AHI1: variants seen among roughly 807,000 people sequenced by gnomAD.
AHI1 encodes Abelson helper integration site 1, also known as jouberin.
Under a neutral mutation model 149.3 loss-of-function variants are expected in AHI1, and 123 were observed. The observed-to-expected ratio is 0.82, with a 90% CI of 0.71 to 0.96. The LOEUF (loss-of-function observed/expected upper bound fraction) is 0.96. AHI1 is among the 40% of genes least tolerant of loss of function. The pLI, the probability that AHI1 is intolerant of heterozygous loss-of-function variation, is 0.00. For missense variants in AHI1, 1,439 were observed against 1,422.7 expected (o/e 1.01, Z -0.18); for synonymous variants, 475 against 459.8 (o/e 1.03, Z -0.42).
intron 28 of AHI1, among the ~76,000 whole-genome samples, chr6:135,289,775 G>C (rs148265937): frequency 1.4e-4 from 21 of 150,810 alleles, no homozygotes; most frequent in Admixed American, 5.3e-4. Flanking sequence ...TGAAAATTTT[G>C]ACTCTAGTTC....
intron 23 of AHI1, among the ~76,000 whole-genome samples, chr6:135,363,027 A>T (rs916584380): frequency 4.4e-4 from 65 of 149,360 alleles, no homozygotes; most frequent in South Asian, 2.1e-4. Context: ...TCTTTTTTTT[A>T]AATTTTATTT....
chr6:135,302,775 G>A, intron 26 of AHI1: 1 of 1,288,818 alleles, frequency 7.8e-7, no homozygotes. Flanking sequence ...AGAAGCAGGG[G>A]GAAGAAGGAG....
At chr6:135,377,399 C>A (rs755629583) in intron 23 of AHI1, among the ~76,000 whole-genome samples, 1 of 152,054 alleles carries the variant, frequency 6.6e-6, no homozygotes, top group African/African-American at 2.4e-5. Context: ...AGTAGGCCAC[C>A]GAATCTTTAA....
chr6:135,326,622 G>A lies in AHI1; in HGVS notation c.3166-3298C>T, dbSNP rs144654403. 3.6e-4 allele frequency among the ~76,000 whole-genome samples: 54 copies of A among 151,660 alleles called. 1 individual carries two copies. The highest frequency in any genetic ancestry group is 9.4e-4 in the African/African-American group (39 of 41,300). ...CTTGCCCAGGCTGGAGTGCAGTGGC[G>A]CCATCTCGGCTCACTGCAACCTCTG... On this transcript the variant is annotated intron_variant, in intron 24 of 28. Transcript: ENST00000265602.
intron 23 of AHI1, among the ~76,000 whole-genome samples, chr6:135,359,080 C>G (rs554426003): frequency 1.3e-5 from 2 of 152,302 alleles, no homozygotes; most frequent in South Asian, 4.1e-4. Flanking sequence ...AGTTTCTCTT[C>G]TACAAGCATA....
chr6:135,338,857 G>T (rs992351401), intron 24 of AHI1, among the ~76,000 whole-genome samples: 1 of 151,846 alleles, frequency 6.6e-6, no homozygotes, highest in Non-Finnish European at 1.5e-5. Context: ...AAACCCAATC[G>T]CAAAGAAATG....
chr6:135,422,531 T>C (rs1002897615), intron 20 of AHI1, among the ~76,000 whole-genome samples: 1 of 152,018 alleles, frequency 6.6e-6, no homozygotes, highest in Non-Finnish European at 1.5e-5. Context: ...ATTAGTGCTA[T>C]ATACTAAAGA....
chr6:135,457,365 CA>C, intron 9 of AHI1, 128 bp downstream of exon 9: 1 of 656,112 alleles, frequency 1.5e-6, no homozygotes, highest in South Asian at 2.0e-5. Flanking sequence ...TGAACACCTA[CA>C]ACTAGTAGAC....
chr6:135,321,494 T>C (rs1786825895), intron 25 of AHI1, among the ~76,000 whole-genome samples: 1 of 151,782 alleles, frequency 6.6e-6, no homozygotes, highest in South Asian at 2.1e-4. Context: ...AGGGGAGCAA[T>C]GGGAAGGACC....
chr6:135,300,499 C>A lies in AHI1; in HGVS notation c.3485+1G>T, dbSNP rs1353617032. On this transcript the variant is annotated splice_donor_variant, in intron 27 of 28. Coordinates refer to ENST00000265602, the MANE Select transcript of AHI1 (RefSeq NM_001134831.2). LOFTEE classifies it high-confidence loss of function. Reference sequence around the variant, plus strand: ...CAAATTATTTTGAAGAAGTTGCTTACTGTGTCATAGATTCTGAGCCTAGTC... The same window carrying A: ...CAAATTATTTTGAAGAAGTTGCTTAATGTGTCATAGATTCTGAGCCTAGTC... The A allele has an allele frequency of 6.2e-7, 1 of 1,603,654 alleles. No individual in the cohort carries two copies. Among genetic ancestry groups the A allele is most frequent in the Admixed American group, 1.7e-5 (1 of 58,994 alleles).
At chr6:135,318,079 G>T (rs532351135) in intron 26 of AHI1, among the ~76,000 whole-genome samples, 1 of 152,158 alleles carries the variant, frequency 6.6e-6, no homozygotes, top group Non-Finnish European at 1.5e-5. Context: ...TCATTTTAAC[G>T]TAAAAACATT....
At chr6:135,485,616 G>A (rs1383371577) in intron 5 of AHI1, among the ~76,000 whole-genome samples, 1 of 151,868 alleles carries the variant, frequency 6.6e-6, no homozygotes, top group African/African-American at 2.4e-5. Context: ...GATCTTTCAG[G>A]ACTTTTGTAG....
chr6:135,452,536 T>A (rs1053004822), intron 11 of AHI1, among the ~76,000 whole-genome samples: 1 of 152,208 alleles, frequency 6.6e-6, no homozygotes, highest in Non-Finnish European at 1.5e-5. Context: ...GTTCTCCACA[T>A]AACAGAGTAT....
At chr6:135,388,285 A>G (rs369930986) in intron 23 of AHI1, among the ~76,000 whole-genome samples, 19 of 152,348 alleles carry the variant, frequency 1.2e-4, no homozygotes, top group African/African-American at 4.6e-4. Context: ...TCATGAAGTA[A>G]TACTAACAGA....
At chr6:135,494,338 G>T (rs552392848) in intron 3 of AHI1, among the ~76,000 whole-genome samples, 27 of 152,334 alleles carry the variant, frequency 1.8e-4, no homozygotes, top group African/African-American at 6.3e-4. Context: ...AACTGTAACA[G>T]GTTGTTAGGG....
intron 8 of AHI1, among the ~76,000 whole-genome samples, chr6:135,458,348 T>G (rs1272939797): frequency 6.6e-6 from 1 of 152,168 alleles, no homozygotes; most frequent in Non-Finnish European, 1.5e-5. Flanking sequence ...CTTTTAGTGA[T>G]TCCACAGGAC....
chr6:135,294,698 C>CAA (rs56734547), intron 27 of AHI1, among the ~76,000 whole-genome samples: 2,417 of 67,982 alleles, frequency 0.036, 28 homozygotes, highest in African/African-American at 0.047. Flanking sequence ...TCTCCAAATG[C>CAA]AAAAAAAAAA....
chr6:135,415,712 T>C (rs1431784825), intron 20 of AHI1, among the ~76,000 whole-genome samples: 1 of 152,220 alleles, frequency 6.6e-6, no homozygotes, highest in African/African-American at 2.4e-5. Flanking sequence ...ATGTGAATAT[T>C]TGGAGCAGCT....
At chr6:135,328,404 A>T (rs571735723) in intron 24 of AHI1, among the ~76,000 whole-genome samples, 1 of 152,070 alleles carries the variant, frequency 6.6e-6, no homozygotes, top group South Asian at 2.1e-4. Context: ...CAACAGTTCA[A>T]ATTTTTCCTT....
Sources: gnomAD v4.1 joint callset for allele counts (sites outside exome capture counted in the v4.1 genomes callset) on GRCh38, gnomAD v4.1.1 for gene constraint, MANE v1.5 for transcripts, NCBI Gene and HGNC (gene_info 2026-07-23, HGNC 2026-07-21) for gene names.